SNTB2: variants seen among roughly 807,000 people sequenced by gnomAD.
The protein encoded by SNTB2 is beta-2-syntrophin.
In SNTB2, 34 loss-of-function variants were observed where a neutral mutation model predicts 46.2. The observed-to-expected ratio is 0.74, with a 90% CI of 0.56 to 0.98. The LOEUF is 0.98. SNTB2 is among the 50% of genes least tolerant of loss of function. The probability of loss-of-function intolerance (pLI) is 0.00; values close to 1 mark genes in which losing one functional copy is unlikely to be tolerated. For missense variants in SNTB2, 603 were observed against 731.4 expected, an observed-to-expected ratio of 0.82 and a Z score of 2.02; for synonymous variants, 290 against 312.6, an observed-to-expected ratio of 0.93 and a Z score of 0.76.
At chr16:69,252,077 G>A (rs932516201) in intron 2 of SNTB2, among the ~76,000 whole-genome samples, 12 of 152,088 alleles carry the variant, frequency 7.9e-5, no homozygotes, top group African/African-American at 2.4e-4. Flanking sequence ...TGATGGGTGC[G>A]TAGTGGAATC....
intron 2 of SNTB2, among the ~76,000 whole-genome samples, chr16:69,257,920 G>T (rs1964794845): frequency 6.6e-6 from 1 of 152,100 alleles, no homozygotes; most frequent in Non-Finnish European, 1.5e-5. Context: ...ACAATATTTG[G>T]CATGTAGTAG....
At chr16:69,199,597 A>C (rs1270263539) in intron 1 of SNTB2, among the ~76,000 whole-genome samples, 1 of 146,294 alleles carries the variant, frequency 6.8e-6, no homozygotes, top group African/African-American at 2.5e-5. Flanking sequence ...CACTGCCTCA[A>C]AAAAAAAAAA....
Position 69,308,082 on chromosome 16 carries a change from C to T in SNTB2, c.*7158C>T, listed in dbSNP as rs2143228848. 1 of 152,772 alleles carries T rather than the reference C, an allele frequency of 6.5e-6. No homozygotes were observed. The highest frequency in any genetic ancestry group is 1.9e-4 in the East Asian group (1 of 5,186). 9.5% of individuals were successfully genotyped at this position (152,772 alleles called of 1,614,324 possible). A position where few individuals can be genotyped will look rare whatever the true frequency, so the allele number is the denominator to read the frequency against. On this transcript the variant is annotated 3_prime_UTR_variant, in exon 7 of 7. Transcript: ENST00000336278. ...AACCGAATCACATGGGTGCCCTCCC[C>T]TTGGTTTTCAAGTATCTTGGAGTTG... is the stretch of plus-strand genomic sequence containing the variant.
chr16:69,226,978 A>G (rs1964464636), intron 1 of SNTB2, among the ~76,000 whole-genome samples: 2 of 152,364 alleles, frequency 1.3e-5, no homozygotes, highest in Admixed American at 1.3e-4. Flanking sequence ...CCCTCAGCAG[A>G]TAAGATTATA....
chr16:69,244,514 G>A (rs138525496), intron 1 of SNTB2, among the ~76,000 whole-genome samples: 21 of 152,294 alleles, frequency 1.4e-4, no homozygotes, highest in African/African-American at 4.6e-4. Flanking sequence ...GTGTACCACT[G>A]TGCCCAGCCA....
intron 2 of SNTB2, among the ~76,000 whole-genome samples, chr16:69,247,070 TAA>T (rs368384171): frequency 0.054 from 7,686 of 143,070 alleles, 274 homozygotes; most frequent in Non-Finnish European, 0.074. Flanking sequence ...ATATATATAT[TAA>T]AAAAAAAAAA....
At chr16:69,240,226 G>A (rs1455375416) in intron 1 of SNTB2, among the ~76,000 whole-genome samples, 5 of 152,122 alleles carry the variant, frequency 3.3e-5, no homozygotes, top group Admixed American at 2.0e-4. Flanking sequence ...CTGGTATATA[G>A]TAGGAGCTCA....
intron 5 of SNTB2, among the ~76,000 whole-genome samples, chr16:69,286,101 A>AT: frequency 6.6e-6 from 1 of 151,728 alleles, no homozygotes; most frequent in South Asian, 2.1e-4. Context: ...GTGAGCCACC[A>AT]CGCCTGGTCT....
intron 1 of SNTB2, among the ~76,000 whole-genome samples, chr16:69,231,377 TG>T (rs1964504708): frequency 6.6e-6 from 1 of 151,488 alleles, no homozygotes; most frequent in South Asian, 2.1e-4. Flanking sequence ...TCATCTGAGG[TG>T]GGGAGATGGA....
At chr16:69,285,453 C>CTATT (rs56095766) in intron 5 of SNTB2, among the ~76,000 whole-genome samples, 31,390 of 130,424 alleles carry the variant, frequency 0.24, 4,173 homozygotes, top group Admixed American at 0.26. Context: ...CTTTGAGCTT[C>CTATT]TATTTATTTA....
At chr16:69,242,509 G>A (rs1265662121) in intron 1 of SNTB2, among the ~76,000 whole-genome samples, 4 of 152,028 alleles carry the variant, frequency 2.6e-5, no homozygotes, top group African/African-American at 9.7e-5. Context: ...AAATACTATG[G>A]ACTTAACAAA....
chr16:69,239,726 G>T (rs935988836), intron 1 of SNTB2, among the ~76,000 whole-genome samples: 1 of 151,942 alleles, frequency 6.6e-6, no homozygotes, highest in Non-Finnish European at 1.5e-5. Flanking sequence ...TGTTTTTTTA[G>T]CAGAGGTGGG....
chr16:69,290,958 G>A (rs545701378), intron 5 of SNTB2, among the ~76,000 whole-genome samples: 1 of 152,262 alleles, frequency 6.6e-6, no homozygotes, highest in African/African-American at 2.4e-5. Flanking sequence ...AGTCTAATTT[G>A]TTAATACATA....
In SNTB2 at chr16:69,301,036, A is replaced by G. The variant is rs1022150801; in HGVS notation, c.*112A>G. On this transcript the variant is annotated 3_prime_UTR_variant, in exon 7 of 7. Transcript: ENST00000336278. ...TCTCCTTCAGCACAGTGCCTTCCCAAGGACCTGCAAATAACTGCTGAACCA... is the reference window on the plus strand; with the variant it reads ...TCTCCTTCAGCACAGTGCCTTCCCAGGGACCTGCAAATAACTGCTGAACCA... 3.9e-5 allele frequency: 26 copies of G among 660,004 alleles called. No individual in the cohort carries two copies. In the African/African-American group the frequency reaches 4.6e-4, roughly 12 times the overall value. 40.9% of individuals were successfully genotyped at this position (660,004 alleles called of 1,614,324 possible).
chr16:69,281,396 T>C (rs1965042554), intron 4 of SNTB2, among the ~76,000 whole-genome samples: 1 of 152,058 alleles, frequency 6.6e-6, no homozygotes, highest in African/African-American at 2.4e-5. Flanking sequence ...CATCCCAGGC[T>C]AATTTTTGTA....
intron 1 of SNTB2, among the ~76,000 whole-genome samples, chr16:69,237,261 A>G (rs1964567682): frequency 6.6e-6 from 1 of 152,198 alleles, no homozygotes; most frequent in South Asian, 2.1e-4. Context: ...AAGGCACTTA[A>G]AAAATAAATG....
At chr16:69,198,078 T>A (rs1474464763) in intron 1 of SNTB2, among the ~76,000 whole-genome samples, 1 of 151,824 alleles carries the variant, frequency 6.6e-6, no homozygotes, top group Non-Finnish European at 1.5e-5. Flanking sequence ...TCTGTTGTCC[T>A]TTACAATGTA....
chr16:69,217,349 C>CTGT (rs1279994551), intron 1 of SNTB2, among the ~76,000 whole-genome samples: 1 of 152,062 alleles, frequency 6.6e-6, no homozygotes, highest in Admixed American at 6.6e-5. Flanking sequence ...TGGCATGCAC[C>CTGT]TGTAATCCCA....
intron 4 of SNTB2, among the ~76,000 whole-genome samples, chr16:69,280,318 C>G (rs191881926): frequency 6.6e-6 from 1 of 152,246 alleles, no homozygotes; most frequent in African/African-American, 2.4e-5. Context: ...ACCTTTCCCC[C>G]CTTTCTATTC....
Sources: gnomAD v4.1 joint callset for allele counts (sites outside exome capture counted in the v4.1 genomes callset) on GRCh38, gnomAD v4.1.1 for gene constraint, MANE v1.5 for transcripts, NCBI Gene and HGNC (gene_info 2026-07-23, HGNC 2026-07-21) for gene names.